NRG1: variants seen among roughly 807,000 people sequenced by gnomAD.
NRG1 encodes neuregulin 1, also known as pro-neuregulin-1, membrane-bound isoform.
NRG1 carries 18 observed loss-of-function variants against 63.8 expected under a neutral mutation model. The ratio of observed to expected loss-of-function variants is 0.28; its 90% confidence interval spans 0.19 to 0.42. NRG1 has a LOEUF of 0.42. NRG1 is among the 10% of genes least tolerant of loss of function. NRG1 has a pLI of 1.00. For synonymous variants in NRG1, 302 were observed against 301.3 expected, an observed-to-expected ratio of 1.00 and a Z score of -0.02; for missense variants, 762 against 814.7, an observed-to-expected ratio of 0.94 and a Z score of 0.79.
chr8:32,499,026 A>G (rs1169661441), intron 1 of NRG1, among the ~76,000 whole-genome samples: 2 of 152,216 alleles, frequency 1.3e-5, no homozygotes, highest in African/African-American at 4.8e-5. Context: ...GGCTATAAAG[A>G]CAAGATTTGG....
At chr8:32,365,173 C>A (rs1807797814) in intron 1 of NRG1, among the ~76,000 whole-genome samples, 1 of 152,076 alleles carries the variant, frequency 6.6e-6, no homozygotes, top group Non-Finnish European at 1.5e-5. Flanking sequence ...CAGGCGAGAG[C>A]CAACTTGCCC....
rs939318681 is a variant in NRG1, at chr8:31,835,600, C to A, written c.37+196169C>A. Among the ~76,000 whole-genome samples, 8 of 152,128 alleles carry A rather than the reference C, an allele frequency of 5.3e-5. No individual in the cohort carries two copies. In the South Asian group the frequency reaches 1.5e-3, roughly 28 times the overall value. On this transcript the variant is annotated intron_variant, in intron 1 of 10. Coordinates refer to the NRG1 transcript ENST00000519301. ...ATTCAGATTCATTAAAATCACCGGG[C>A]CTAGTTTGTGGCCTTCCTTTCACAA...
At chr8:32,254,059 T>C (rs1331768566) in intron 1 of NRG1, among the ~76,000 whole-genome samples, 1 of 152,100 alleles carries the variant, frequency 6.6e-6, no homozygotes, top group Non-Finnish European at 1.5e-5. Flanking sequence ...TTTTTTATTG[T>C]GTCTATTTGA....
intron 1 of NRG1, among the ~76,000 whole-genome samples, chr8:32,589,137 C>T (rs554531870): frequency 6.6e-6 from 1 of 152,324 alleles, no homozygotes; most frequent in East Asian, 1.9e-4. Flanking sequence ...GCTATATTTA[C>T]ACATTTGATA....
chr8:31,755,678 G>A (rs1476700958), intron 1 of NRG1, among the ~76,000 whole-genome samples: 1 of 152,062 alleles, frequency 6.6e-6, no homozygotes, highest in African/African-American at 2.4e-5. Flanking sequence ...TATTTGAAAA[G>A]TTGGCCAAAT....
chr8:32,742,647 A>G lies in NRG1; in HGVS notation c.633-28A>G. ...CTCTTCTCTTTTTCTCTGTTTTTCTACCATTGTTTTTTTGTTTCTTCTCTC... is the reference window on the plus strand; with the variant it reads ...CTCTTCTCTTTTTCTCTGTTTTTCTGCCATTGTTTTTTTGTTTCTTCTCTC... On this transcript the variant is annotated intron_variant, in intron 6 of 11. Transcript: ENST00000356819. This position sits in a 1 kb window ranked among gnomAD's most constrained non-coding sequence, Gnocchi z 4.2. 6.3e-7 allele frequency: 1 copy of G among 1,597,476 alleles called. No homozygotes were observed.
chr8:31,850,129 T>A (rs1391590314), intron 1 of NRG1, among the ~76,000 whole-genome samples: 2 of 152,102 alleles, frequency 1.3e-5, no homozygotes, highest in African/African-American at 4.8e-5. Context: ...TCTTACTACT[T>A]GTAACAAATA....
chr8:31,775,495 C>T (rs1205237287), intron 1 of NRG1, among the ~76,000 whole-genome samples: 2 of 152,066 alleles, frequency 1.3e-5, no homozygotes, highest in Non-Finnish European at 2.9e-5. Flanking sequence ...GTACAGTGTT[C>T]GCTATTCAGG....
intron 5 of NRG1, chr8:32,647,459 A>T: frequency 1.0e-6 from 1 of 985,302 alleles, no homozygotes. Context: ...GATGGTTTGG[A>T]GTAGCATTTA....
At chr8:32,716,232 A>C (rs1008897206) in intron 5 of NRG1, among the ~76,000 whole-genome samples, 1 of 152,236 alleles carries the variant, frequency 6.6e-6, no homozygotes, top group African/African-American at 2.4e-5. Flanking sequence ...CATATTTTGC[A>C]TTACAAAGTG....
chr8:32,266,619 A>G (rs1440350726), intron 1 of NRG1, among the ~76,000 whole-genome samples: 2 of 152,214 alleles, frequency 1.3e-5, no homozygotes, highest in African/African-American at 4.8e-5. Flanking sequence ...GGTACAAAAA[A>G]TAATAGTGTT....
At chr8:32,236,131 G>A (rs1043331750) in intron 1 of NRG1, among the ~76,000 whole-genome samples, 2 of 149,204 alleles carry the variant, frequency 1.3e-5, no homozygotes, top group African/African-American at 4.9e-5. Context: ...GTGTGTGTAT[G>A]TGTGTGTGTG....
intron 1 of NRG1, among the ~76,000 whole-genome samples, chr8:32,593,123 G>T (rs2129536684): frequency 6.6e-6 from 1 of 152,154 alleles, no homozygotes; most frequent in East Asian, 1.9e-4. Flanking sequence ...GGCGGGCATT[G>T]GTCTTGCTGT....
intron 1 of NRG1, among the ~76,000 whole-genome samples, chr8:32,556,577 G>A (rs892220355): frequency 6.6e-6 from 1 of 152,112 alleles, no homozygotes; most frequent in Non-Finnish European, 1.5e-5. Context: ...CTTTAGTTAT[G>A]GAGTAATATG....
At chr8:31,974,110 A>C (rs1210206383) in intron 1 of NRG1, among the ~76,000 whole-genome samples, 1 of 152,194 alleles carries the variant, frequency 6.6e-6, no homozygotes, top group Non-Finnish European at 1.5e-5. Context: ...GTCACGTTAT[A>C]TGAGTCTTCA....
chr8:31,842,314 C>T (rs1241885652), intron 1 of NRG1, among the ~76,000 whole-genome samples: 1 of 152,168 alleles, frequency 6.6e-6, no homozygotes. Flanking sequence ...GATTTATGTA[C>T]ATTTTCTGTA....
chr8:32,162,400 A>G (rs1351569205), intron 1 of NRG1, among the ~76,000 whole-genome samples: 1 of 152,222 alleles, frequency 6.6e-6, no homozygotes, highest in Non-Finnish European at 1.5e-5. Context: ...GGCATTTTAT[A>G]GGCACAGTTA....
chr8:32,229,742 TAA>T (rs1846711260), intron 1 of NRG1, among the ~76,000 whole-genome samples: 1 of 152,122 alleles, frequency 6.6e-6, no homozygotes, highest in Non-Finnish European at 1.5e-5. Flanking sequence ...ACAGGAGCAA[TAA>T]AGAGTCAATT....
chr8:31,727,519 C>A (rs901356759), intron 1 of NRG1, among the ~76,000 whole-genome samples: 3 of 152,244 alleles, frequency 2.0e-5, no homozygotes, highest in South Asian at 2.1e-4. Context: ...ATAGAATAAA[C>A]CCCTGGCACA....
Sources: gnomAD v4.1 joint callset for allele counts (sites outside exome capture counted in the v4.1 genomes callset) on GRCh38, gnomAD v4.1.1 for gene constraint, Gnocchi (gnomAD v3.1) non-coding constraint, MANE v1.5 for transcripts, NCBI Gene and HGNC (gene_info 2026-07-23, HGNC 2026-07-21) for gene names.